The following PRKN variants were observed in gnomAD, a reference collection of about 807,000 sequenced individuals.
PRKN encodes the protein parkin RBR E3 ubiquitin protein ligase.
PRKN carries 56 observed loss-of-function variants against 59.5 expected under a neutral mutation model. The ratio of observed to expected loss-of-function variants is 0.94; its 90% CI spans 0.76 to 1.18. PRKN has a LOEUF of 1.18. Ranked by LOEUF, PRKN falls within the 50% of genes most tolerant of loss-of-function variation. The probability of loss-of-function intolerance (pLI) is 0.00; values close to 1 mark genes in which losing one functional copy is unlikely to be tolerated. For synonymous variants in PRKN, 250 were observed against 222.1 expected, an observed-to-expected ratio of 1.13 and a Z score of -1.12; for missense variants, 657 against 596.4, an observed-to-expected ratio of 1.10 and a Z score of -1.06.
At chr6:161,939,042 T>C (rs896911825) in intron 6 of PRKN, among the ~76,000 whole-genome samples, 1 of 152,160 alleles carries the variant, frequency 6.6e-6, no homozygotes, top group African/African-American at 2.4e-5. Context: ...AAATCAATAT[T>C]AGGGGATTGT....
chr6:161,431,673 C>T (rs4235930), intron 9 of PRKN, among the ~76,000 whole-genome samples: 112,585 of 151,380 alleles, frequency 0.74, 41,964 homozygotes, highest in East Asian at 0.87. Flanking sequence ...AGTGCAATGG[C>T]GCGATCTTGG....
At chr6:161,707,560 G>C (rs1245913472) in intron 7 of PRKN, among the ~76,000 whole-genome samples, 1 of 152,214 alleles carries the variant, frequency 6.6e-6, no homozygotes, top group Middle Eastern at 3.4e-3. Context: ...ACACTAAACA[G>C]GTGTTTTAAA....
Position 161,372,148 on chromosome 6 carries a change from T to G in PRKN, c.1168-11943A>C, listed in dbSNP as rs1785467664. 6.6e-6 allele frequency among the ~76,000 whole-genome samples: 1 copy of G among 152,252 alleles called. No individual in the cohort carries two copies. The highest frequency in any genetic ancestry group is 2.1e-4 in the South Asian group (1 of 4,836). On this transcript the variant is annotated intron_variant, in intron 10 of 11. Transcript: ENST00000366898. This position sits in a 1 kb window ranked among gnomAD's most constrained non-coding sequence, Gnocchi z 4.2. ...CAACATAAATATTAAGTAGCAGAAT[T>G]ATTAATAGGTACCATTTATTGGTTA...
chr6:161,754,372 G>A (rs777703730), intron 7 of PRKN, among the ~76,000 whole-genome samples: 4 of 151,908 alleles, frequency 2.6e-5, no homozygotes, highest in African/African-American at 9.7e-5. Context: ...CTTGAGAGAC[G>A]ACCTGGTTCC....
At chr6:161,975,575 CCT>C (rs1780996397) in intron 5 of PRKN, among the ~76,000 whole-genome samples, 8 of 152,128 alleles carry the variant, frequency 5.3e-5, no homozygotes, top group African/African-American at 1.9e-4. Flanking sequence ...GAGCAACAGC[CCT>C]TGGTCTGAAG....
chr6:162,159,735 TG>T, intron 4 of PRKN, among the ~76,000 whole-genome samples: 1 of 152,270 alleles, frequency 6.6e-6, no homozygotes, highest in Middle Eastern at 3.4e-3. Context: ...CAAGAAAGTG[TG>T]GTATTAGCAT....
chr6:161,586,169 C>A (rs1781514587), intron 7 of PRKN, among the ~76,000 whole-genome samples: 1 of 152,140 alleles, frequency 6.6e-6, no homozygotes, highest in African/African-American at 2.4e-5. Context: ...GTATCTGCCA[C>A]CATGCCTAGC....
Position 161,584,184 on chromosome 6 carries a change from A to C in PRKN, c.872-14768T>G, listed in dbSNP as rs1562541413. Reference sequence around the variant, plus strand: ...GAAATGAGAACCGTTTTTGCATTTCACCTTAATCAGATCAAATTAGGACAG... The same window carrying C: ...GAAATGAGAACCGTTTTTGCATTTCCCCTTAATCAGATCAAATTAGGACAG... On this transcript the variant is annotated intron_variant, in intron 7 of 11. Coordinates refer to ENST00000366898, the MANE Select transcript of PRKN (RefSeq NM_004562.3). The surrounding 1 kb of genome is among the most constrained non-coding windows in gnomAD (Gnocchi z 4.8). Among the ~76,000 whole-genome samples the C allele has an allele frequency of 6.6e-6, 1 of 152,208 alleles. No individual in the cohort carries two copies. The highest frequency in any genetic ancestry group is 1.5e-5 in the Non-Finnish European group (1 of 68,046).
intron 3 of PRKN, among the ~76,000 whole-genome samples, chr6:162,249,617 A>C (rs1359837510): frequency 1.3e-5 from 2 of 152,192 alleles, no homozygotes; most frequent in Non-Finnish European, 2.9e-5. Flanking sequence ...TTGAGAAAGA[A>C]AAGCAAATAA....
intron 1 of PRKN, among the ~76,000 whole-genome samples, chr6:162,484,333 T>G (rs1360246208): frequency 6.6e-6 from 1 of 152,134 alleles, no homozygotes; most frequent in Non-Finnish European, 1.5e-5. Context: ...GGAAGACCTC[T>G]TCAGGAATGG....
intron 7 of PRKN, among the ~76,000 whole-genome samples, chr6:161,655,088 C>A (rs1443345849): frequency 6.6e-6 from 1 of 150,924 alleles, no homozygotes; most frequent in African/African-American, 2.5e-5. Flanking sequence ...CTGGGCCCAC[C>A]CAGGCTCTCA....
intron 4 of PRKN, among the ~76,000 whole-genome samples, chr6:162,158,268 C>G (rs911452125): frequency 2.0e-5 from 3 of 151,976 alleles, no homozygotes; most frequent in African/African-American, 4.8e-5. Flanking sequence ...TCTTTCTCCT[C>G]AGGAAATGTT....
chr6:162,316,600 A>C (rs1280454478), intron 2 of PRKN, among the ~76,000 whole-genome samples: 2 of 152,114 alleles, frequency 1.3e-5, no homozygotes, highest in Non-Finnish European at 2.9e-5. Flanking sequence ...GATTCAATAC[A>C]TATTCACAGT....
intron 2 of PRKN, among the ~76,000 whole-genome samples, chr6:162,374,286 T>C (rs982493735): frequency 7.8e-4 from 119 of 152,130 alleles, no homozygotes; most frequent in Non-Finnish European, 2.9e-4. Flanking sequence ...TTTTGTAAAG[T>C]GAAAAGAAGG....
At chr6:161,807,300 C>T (rs990926157) in intron 6 of PRKN, among the ~76,000 whole-genome samples, 13 of 152,118 alleles carry the variant, frequency 8.5e-5, no homozygotes, top group South Asian at 2.1e-4. Context: ...CACAGATACA[C>T]GCATGCAAAC....
intron 4 of PRKN, among the ~76,000 whole-genome samples, chr6:162,066,508 A>C (rs969757294): frequency 1.3e-5 from 2 of 152,164 alleles, no homozygotes; most frequent in African/African-American, 4.8e-5. Flanking sequence ...CCTAATGGAA[A>C]GCGTTTAAGT....
rs377632400 is a variant in PRKN at position 161,547,074 on chromosome 6, T to A, written c.1083+1780A>T. Among the ~76,000 whole-genome samples, 7 of 152,196 alleles carry A rather than the reference T, an allele frequency of 4.6e-5. No homozygotes were observed. The highest frequency in any genetic ancestry group is 1.7e-4 in the African/African-American group (7 of 41,444). The stretch of plus-strand genomic sequence containing the variant: ...AGCAAAGCCACTCACGGGTGATTCC[T>A]GACTCTCAGAAACTGTGAGATGATA... On this transcript the variant is annotated intron_variant, in intron 9 of 11. Coordinates refer to ENST00000366898, the MANE Select transcript of PRKN (RefSeq NM_004562.3). The surrounding 1 kb of genome is among the most constrained non-coding windows in gnomAD (Gnocchi z 4.0).
chr6:161,941,173 A>G (rs190692368), intron 6 of PRKN, among the ~76,000 whole-genome samples: 160 of 152,284 alleles, frequency 1.1e-3, no homozygotes, highest in African/African-American at 3.7e-3. Flanking sequence ...TCCTGCCCCA[A>G]TGTTGGCATT....
In PRKN at chr6:161,550,992, T is replaced by C. The variant is rs940094921; in HGVS notation, c.934-1989A>G. On this transcript the variant is annotated intron_variant, in intron 8 of 11. Transcript: ENST00000366898. This position sits in a 1 kb window ranked among gnomAD's most constrained non-coding sequence, Gnocchi z 4.0. Reference sequence around the variant, plus strand: ...AGAAAAAGATGACCTGGCCTCCTTGTAAACGTGTGAATGGCATACACATAC... The same window carrying C: ...AGAAAAAGATGACCTGGCCTCCTTGCAAACGTGTGAATGGCATACACATAC... Among the ~76,000 whole-genome samples the C allele has an allele frequency of 3.9e-5, 6 of 152,264 alleles. No homozygotes were observed. The highest frequency in any genetic ancestry group is 1.4e-4 in the African/African-American group (6 of 41,546).
Sources: gnomAD v4.1 joint callset for allele counts (sites outside exome capture counted in the v4.1 genomes callset) on GRCh38, gnomAD v4.1.1 for gene constraint, Gnocchi (gnomAD v3.1) non-coding constraint, MANE v1.5 for transcripts, NCBI Gene and HGNC (gene_info 2026-07-23, HGNC 2026-07-21) for gene names.